The following SLCO1A2 variants were observed in gnomAD, a reference collection of about 807,000 sequenced individuals.
The protein encoded by SLCO1A2 is OATP-1.
A neutral mutation model predicts 69.0 loss-of-function variants in SLCO1A2; 67 were observed. That is an observed-to-expected ratio of 0.97 (90% CI 0.80 to 1.19). The LOEUF (loss-of-function observed/expected upper bound fraction) is 1.19. SLCO1A2 is among the 50% of genes most tolerant of loss of function. SLCO1A2 has a pLI of 0.00. For synonymous variants in SLCO1A2, 260 were observed against 265.9 expected (o/e 0.98, Z 0.22); for missense variants, 787 against 793.7 (o/e 0.99, Z 0.10).
At chr12:21,387,452 AGGCACTCCAATCAT>A (rs1226962049) in intron 1 of SLCO1A2, among the ~76,000 whole-genome samples, 1 of 152,086 alleles carries the variant, frequency 6.6e-6, no homozygotes, top group Non-Finnish European at 1.5e-5. Context: ...CCTACATCCC[AGGCACTCCAATCAT>A]GGCTAAAAGG....
intron 2 of SLCO1A2, 24 bp downstream of exon 2, chr12:21,334,564 T>C: frequency 6.4e-7 from 1 of 1,571,614 alleles, no homozygotes; most frequent in Non-Finnish European, 8.7e-7. Context: ...CATGCACATA[T>C]ATCCACATAC....
chr12:21,331,262 A>AT (rs34663140), intron 2 of SLCO1A2, among the ~76,000 whole-genome samples: 47,410 of 151,810 alleles, frequency 0.31, 7,544 homozygotes, highest in East Asian at 0.35. Context: ...GCTTCTCTAG[A>AT]TTTTTTTTGG....
At chr12:21,395,696 C>T (rs1440717098), upstream of SLCO1A2, among the ~76,000 whole-genome samples, 1 of 152,196 alleles carries the variant, frequency 6.6e-6, no homozygotes, top group Non-Finnish European at 1.5e-5. Flanking sequence ...AGACTGCCTC[C>T]TCAAGTGGGT....
chr12:21,362,384 G>C (rs1015597232), intron 2 of SLCO1A2, among the ~76,000 whole-genome samples: 17 of 152,030 alleles, frequency 1.1e-4, no homozygotes, highest in Non-Finnish European at 2.5e-4. Flanking sequence ...TGACTTACAA[G>C]AGCTCCTTAA....
intron 1 of SLCO1A2, among the ~76,000 whole-genome samples, chr12:21,390,576 A>T (rs1003858939): frequency 3.9e-5 from 6 of 152,056 alleles, no homozygotes; most frequent in Admixed American, 6.5e-5. Flanking sequence ...CATTTACATC[A>T]TATACTGTAC....
At chr12:21,323,955 C>T (rs1951968089) in intron 2 of SLCO1A2, among the ~76,000 whole-genome samples, 1 of 152,128 alleles carries the variant, frequency 6.6e-6, no homozygotes. Context: ...AGGGCATTTG[C>T]AGTGAAAAAC....
rs75332166 is a variant in SLCO1A2, at chr12:21,279,776, T to C, written c.1611-4352A>G. On this transcript the variant is annotated intron_variant, in intron 12 of 14. Coordinates refer to ENST00000683939, the MANE Select transcript of SLCO1A2 (RefSeq NM_001386879.1). Reference sequence around the variant, plus strand: ...CTGAAGGTACAAAGATCACTGGAAATAGTAAGTAAGCAAAAAAATGCAGAA... The same window carrying C: ...CTGAAGGTACAAAGATCACTGGAAACAGTAAGTAAGCAAAAAAATGCAGAA... Among the ~76,000 whole-genome samples, 1,001 of 152,162 alleles carry C rather than the reference T, an allele frequency of 6.6e-3. 10 individuals are homozygous for C. Among genetic ancestry groups the C allele is most frequent in the African/African-American group, 0.021 (884 of 41,494 alleles).
Position 21,314,685 on chromosome 12 carries a change from G to A in SLCO1A2, c.203-4C>T, listed in dbSNP as rs369504609. ...AATATAATCAACAAAAGATTTCCTAGGAAAAAATTGAGAATAATCATTTTA... is the reference window on the plus strand; with the variant it reads ...AATATAATCAACAAAAGATTTCCTAAGAAAAAATTGAGAATAATCATTTTA... On this transcript the variant is annotated splice_polypyrimidine_tract_variant and splice_region_variant and intron_variant, in intron 3 of 14. Transcript: ENST00000683939. The A allele has an allele frequency of 8.8e-6, 14 of 1,586,886 alleles. No homozygotes were observed. The African/African-American group carries it at 1.9e-4, about 21-fold the overall frequency.
At chr12:21,308,028 T>C (rs1949647801) in intron 4 of SLCO1A2, among the ~76,000 whole-genome samples, 1 of 152,168 alleles carries the variant, frequency 6.6e-6, no homozygotes, top group African/African-American at 2.4e-5. Flanking sequence ...AAGAAATGTA[T>C]ACAGTGGCTG....
chr12:21,409,068 T>G (rs1208167269), intron 1 of SLCO1A2, among the ~76,000 whole-genome samples: 2 of 152,182 alleles, frequency 1.3e-5, no homozygotes, highest in Non-Finnish European at 2.9e-5. Flanking sequence ...CTGAGAATCT[T>G]CTTTTCAAAT....
rs770148625 is a variant in SLCO1A2 at position 21,299,789 on chromosome 12, TACAC to T, written c.910+555_910+558del. On this transcript the variant is annotated intron_variant, in intron 8 of 14. Coordinates refer to ENST00000683939, the MANE Select transcript of SLCO1A2 (RefSeq NM_001386879.1). ...ACGTGTGTATATATATATATATATA[TACAC>T]ACACACGTATATATATACACACACA... 7.3e-3 allele frequency among the ~76,000 whole-genome samples: 857 copies of T among 117,450 alleles called. 5 individuals are homozygous for T. Among genetic ancestry groups the T allele is most frequent in the African/African-American group, 0.024 (601 of 24,986 alleles). 77.1% of individuals were successfully genotyped at this position (117,450 alleles called of 152,430 possible).
chr12:21,340,893 T>C (rs918390995), intron 2 of SLCO1A2, among the ~76,000 whole-genome samples: 2 of 152,012 alleles, frequency 1.3e-5, no homozygotes, highest in South Asian at 4.1e-4. Context: ...CAAGCTTTAA[T>C]ATAACATACA....
chr12:21,279,023 C>G (rs893035360), intron 12 of SLCO1A2, among the ~76,000 whole-genome samples: 3 of 151,750 alleles, frequency 2.0e-5, no homozygotes, highest in African/African-American at 4.8e-5. Flanking sequence ...TAAAAAGAAT[C>G]AAGCAGAAAT....
intron 2 of SLCO1A2, among the ~76,000 whole-genome samples, chr12:21,330,361 A>C (rs1952529020): frequency 6.6e-6 from 1 of 151,734 alleles, no homozygotes; most frequent in Admixed American, 6.6e-5. Flanking sequence ...AAATAAATAA[A>C]AAAGCTTGGC....
chr12:21,413,161 G>A (rs1422672567), intron 1 of SLCO1A2, among the ~76,000 whole-genome samples: 1 of 148,382 alleles, frequency 6.7e-6, no homozygotes, highest in Non-Finnish European at 1.5e-5. Flanking sequence ...TTGTGCTATC[G>A]TTTTGTGTTT....
intron 1 of SLCO1A2, chr12:21,379,679 A>C (rs1290978995): frequency 2.0e-5 from 3 of 152,230 alleles, no homozygotes; most frequent in African/African-American, 7.2e-5. Context: ...AAGTAGCATT[A>C]ATTCAGATAA....
rs371552033 is a variant in SLCO1A2, at chr12:21,393,532, G to A, written c.-190+1374C>T. On this transcript the variant is annotated intron_variant, in intron 1 of 15. Coordinates refer to the SLCO1A2 transcript ENST00000307378. ...TTTTGAAGCTGCTTAGAGACCAGCC[G>A]GATTAAAAATTTTTAATTTGGCAAA... 1.3e-3 allele frequency among the ~76,000 whole-genome samples: 200 copies of A among 152,066 alleles called. 1 individual carries two copies. The highest frequency in any genetic ancestry group is 3.4e-3 in the African/African-American group (139 of 41,464).
chr12:21,351,794 A>G (rs1937981219), intron 2 of SLCO1A2, among the ~76,000 whole-genome samples: 3 of 151,284 alleles, frequency 2.0e-5, no homozygotes, highest in Non-Finnish European at 2.9e-5. Flanking sequence ...AAAAAAAATC[A>G]TAAAAATAAA....
At position 21,340,642 on chromosome 12, in the gene SLCO1A2, T is replaced by C. The variant is rs568511348; in HGVS notation, c.-62-5933A>G. Among the ~76,000 whole-genome samples the C allele has an allele frequency of 3.9e-5, 6 of 152,102 alleles. No individual in the cohort carries two copies. The South Asian group carries it at 1.2e-3, about 32-fold the overall frequency. On this transcript the variant is annotated intron_variant, in intron 2 of 15. Transcript: ENST00000307378. ...AGTCCTTCTATTTGGAGTTTCACTA[T>C]GAGGAAATCCACTTGCCATTGGATC...
Sources: allele counts gnomAD v4.1 joint callset (sites outside exome capture counted in the v4.1 genomes callset), GRCh38; gene constraint gnomAD v4.1.1; transcripts MANE v1.5; gene names NCBI Gene and HGNC (gene_info 2026-07-23, HGNC 2026-07-21).